The following TXNL4A variants were observed in gnomAD, a reference collection of about 807,000 sequenced individuals.
The protein encoded by TXNL4A is thioredoxin like 4A, also known as thioredoxin-like protein 4A.
TXNL4A carries 17 observed loss-of-function variants against 14.6 expected under a neutral mutation model. The ratio of observed to expected loss-of-function variants is 1.16; its 90% CI spans 0.80 to 1.74. TXNL4A has a LOEUF of 1.74. TXNL4A is among the 40% of genes most tolerant of loss of function. TXNL4A has a pLI of 0.00. For missense variants in TXNL4A, 74 were observed against 195.2 expected, an observed-to-expected ratio of 0.38 and a Z score of 3.70; for synonymous variants, 83 against 70.6, an observed-to-expected ratio of 1.18 and a Z score of -0.88.
chr18:79,973,792 C>T lies in TXNL4A; in HGVS notation c.322G>A (p.Asp108Asn). 6.2e-7 allele frequency: 1 copy of T among 1,614,174 alleles called. No individual in the cohort carries two copies. The highest frequency in any genetic ancestry group is 8.5e-7 in the Non-Finnish European group (1 of 1,180,036). Reference protein sequence around the residue: ...NNNKINWAMEDKQEMVDIIET... With the variant: ...NNNKINWAMENKQEMVDIIET... Reference sequence around the variant, plus strand: ...ATGATGTCCACCATCTCCTGCTTGTCCTCCATGGCCCAGTTAATCTTGTTG... The same window carrying T: ...ATGATGTCCACCATCTCCTGCTTGTTCTCCATGGCCCAGTTAATCTTGTTG... Residue 108 changes from aspartate to asparagine, a missense_variant, in exon 3 of 3, where the codon GAC becomes AAC. Asp to Asn is a conservative substitution (Grantham distance 23, BLOSUM62 1). Coordinates refer to ENST00000269601, the MANE Select transcript of TXNL4A (RefSeq NM_006701.5).
At chr18:80,032,412 A>G (rs1649369001) in intron 1 of TXNL4A, among the ~76,000 whole-genome samples, 1 of 152,238 alleles carries the variant, frequency 6.6e-6, no homozygotes, top group South Asian at 2.1e-4. Flanking sequence ...GCCAAAGGGA[A>G]GAGTCAAGCT....
intron 1 of TXNL4A, among the ~76,000 whole-genome samples, chr18:80,023,767 T>C (rs1011601871): frequency 6.6e-6 from 1 of 152,212 alleles, no homozygotes; most frequent in African/African-American, 2.4e-5. Context: ...AAACAATAAC[T>C]TTTTGAATTA....
intron 1 of TXNL4A, among the ~76,000 whole-genome samples, chr18:79,983,533 G>A (rs1197344156): frequency 1.3e-5 from 2 of 152,168 alleles, no homozygotes; most frequent in East Asian, 3.8e-4. Context: ...TTTGTATGGA[G>A]TCCCTCAACC....
In TXNL4A at chr18:79,971,013, T is replaced by G. The variant is rs1225231558; in HGVS notation, c.*2672A>C. Reference sequence around the variant, plus strand: ...ATCAAAAATAAAACTGCCCATTAGCTGTCACCTCCTATTTCCCCCTCCCTC... The same window carrying G: ...ATCAAAAATAAAACTGCCCATTAGCGGTCACCTCCTATTTCCCCCTCCCTC... On this transcript the variant is annotated 3_prime_UTR_variant, in exon 3 of 3. Transcript: ENST00000269601. 6.5e-6 allele frequency: 1 copy of G among 154,042 alleles called. No individual in the cohort carries two copies. The highest frequency in any genetic ancestry group is 2.4e-5 in the African/African-American group (1 of 41,470). 9.5% of individuals were successfully genotyped at this position (154,042 alleles called of 1,614,324 possible).
Position 79,973,540 on chromosome 18 carries a change from G to T in TXNL4A, c.*145C>A, listed in dbSNP as rs187893297. On this transcript the variant is annotated 3_prime_UTR_variant, in exon 3 of 3. Transcript: ENST00000269601. ...CTCTCACCACGTGCTTGTTTATTTC[G>T]GTGAGTTAAGACCATGTTATCAATT... 1 of 999,422 alleles carries T rather than the reference G, an allele frequency of 1.0e-6. No individual in the cohort carries two copies. The highest frequency in any genetic ancestry group is 1.4e-6 in the Non-Finnish European group (1 of 716,902). The allele number at this position is 999,422 out of a possible 1,614,324, so 61.9% of individuals were successfully genotyped here.
intron 1 of TXNL4A, among the ~76,000 whole-genome samples, chr18:80,019,337 A>G (rs1176351226): frequency 6.6e-6 from 1 of 152,208 alleles, no homozygotes; most frequent in African/African-American, 2.4e-5. Context: ...GAAAATGAGG[A>G]AGAAGCAAAA....
At chr18:79,989,361 C>A (rs994256649), upstream of TXNL4A, among the ~76,000 whole-genome samples, 2 of 151,908 alleles carry the variant, frequency 1.3e-5, no homozygotes, top group Non-Finnish European at 2.9e-5. Flanking sequence ...CTGCCCGCCT[C>A]GGCCTCCCAA....
chr18:79,999,322 G>A (rs968601022), intron 1 of TXNL4A, among the ~76,000 whole-genome samples: 4 of 152,062 alleles, frequency 2.6e-5, no homozygotes, highest in Non-Finnish European at 2.9e-5. Context: ...GATCACATGA[G>A]GTCAGGAGTT....
At chr18:80,020,647 A>C (rs576394726) in intron 1 of TXNL4A, among the ~76,000 whole-genome samples, 1 of 152,284 alleles carries the variant, frequency 6.6e-6, no homozygotes, top group Non-Finnish European at 1.5e-5. Flanking sequence ...AGGTGCTTTA[A>C]GTCAGGCTTT....
chr18:80,019,357 C>A (rs1251144102), intron 1 of TXNL4A, among the ~76,000 whole-genome samples: 1 of 152,120 alleles, frequency 6.6e-6, no homozygotes, highest in East Asian at 1.9e-4. Context: ...AGCAAAAACC[C>A]CTGATAAACC....
chr18:79,979,023 C>G (rs1024850537), intron 1 of TXNL4A, among the ~76,000 whole-genome samples: 3 of 151,724 alleles, frequency 2.0e-5, no homozygotes, highest in Non-Finnish European at 4.4e-5. Flanking sequence ...CTGCAACCTC[C>G]ACCTCCCAGG....
chr18:79,975,503 C>G (rs755944533), intron 2 of TXNL4A, among the ~76,000 whole-genome samples: 19 of 152,228 alleles, frequency 1.2e-4, no homozygotes, highest in Admixed American at 5.9e-4. Flanking sequence ...ACAGCATCTC[C>G]AGCCCCAGGC....
At chr18:79,975,268 A>G (rs1331160991) in intron 2 of TXNL4A, among the ~76,000 whole-genome samples, 2 of 152,240 alleles carry the variant, frequency 1.3e-5, no homozygotes, top group Non-Finnish European at 2.9e-5. Context: ...CTTATCTGAC[A>G]TTAGGCTCCA....
chr18:80,006,677 G>T (rs2051733476), intron 1 of TXNL4A, among the ~76,000 whole-genome samples: 1 of 152,172 alleles, frequency 6.6e-6, no homozygotes, highest in African/African-American at 2.4e-5. Flanking sequence ...GACCCACAAT[G>T]AGTGAGTTTT....
intron 1 of TXNL4A, among the ~76,000 whole-genome samples, chr18:79,981,381 A>T (rs2051460609): frequency 6.6e-6 from 1 of 152,250 alleles, no homozygotes; most frequent in Admixed American, 6.5e-5. Context: ...TTTAATAAAC[A>T]GAGTGCAGGG....
At chr18:80,025,062 A>T (rs2051875404) in intron 1 of TXNL4A, among the ~76,000 whole-genome samples, 1 of 152,212 alleles carries the variant, frequency 6.6e-6, no homozygotes, top group African/African-American at 2.4e-5. Context: ...CACTATAACT[A>T]AAGCAGATTC....
chr18:80,026,683 C>T (rs1394455646), intron 1 of TXNL4A, among the ~76,000 whole-genome samples: 3 of 152,156 alleles, frequency 2.0e-5, no homozygotes, highest in Non-Finnish European at 4.4e-5. Flanking sequence ...TTTCCCGTTT[C>T]ATTGGGTTCA....
At chr18:79,999,512 A>G (rs2051685048) in intron 1 of TXNL4A, among the ~76,000 whole-genome samples, 1 of 136,400 alleles carries the variant, frequency 7.3e-6, no homozygotes, top group East Asian at 2.5e-4. Flanking sequence ...CTTCAGCCTG[A>G]GTGACAAGAG....
chr18:80,007,953 A>G (rs1218282902), intron 1 of TXNL4A, among the ~76,000 whole-genome samples: 7 of 151,900 alleles, frequency 4.6e-5, no homozygotes, highest in Non-Finnish European at 1.5e-5. Flanking sequence ...TGCCCTCCTC[A>G]CAGCCTAGGC....
Sources: gnomAD v4.1 joint callset for allele counts (sites outside exome capture counted in the v4.1 genomes callset) on GRCh38, gnomAD v4.1.1 for gene constraint, MANE v1.5 for transcripts, NCBI Gene and HGNC (gene_info 2026-07-23, HGNC 2026-07-21) for gene names.